Variants in KLRF1 observed in about 807,000 individuals in gnomAD.
The protein encoded by KLRF1 is killer cell lectin-like receptor subfamily F member 1.
Under a neutral mutation model 30.7 loss-of-function variants are expected in KLRF1, and 27 were observed. The ratio of observed to expected loss-of-function variants is 0.88; its 90% CI spans 0.65 to 1.21. KLRF1 has a LOEUF of 1.21. KLRF1 is among the 50% of genes most tolerant of loss of function. The pLI is 0.00. For missense variants in KLRF1, 246 were observed against 259.3 expected, an observed-to-expected ratio of 0.95 and a Z score of 0.35; for synonymous variants, 92 against 89.3, an observed-to-expected ratio of 1.03 and a Z score of -0.17.
chr12:9,815,981 G>A, the KLRF1 span, among the ~76,000 whole-genome samples: 1 of 152,158 alleles, frequency 6.6e-6, no homozygotes, highest in Non-Finnish European at 1.5e-5. Flanking sequence ...ACCACGCCTA[G>A]CTGATTTTGT....
At chr12:9,814,339 G>A in the KLRF1 span, among the ~76,000 whole-genome samples, 1 of 152,204 alleles carries the variant, frequency 6.6e-6, no homozygotes, top group Non-Finnish European at 1.5e-5. Flanking sequence ...CATCTCCACA[G>A]CCGGGACTGC....
chr12:9,802,514 G>A, the KLRF1 span, among the ~76,000 whole-genome samples: 6 of 151,920 alleles, frequency 3.9e-5, no homozygotes, highest in African/African-American at 1.5e-4. Flanking sequence ...AAGAAATAAA[G>A]GATATTCAAA....
At chr12:9,824,902 C>G (rs934223568), upstream of KLRF1, among the ~76,000 whole-genome samples, 1 of 152,052 alleles carries the variant, frequency 6.6e-6, no homozygotes, top group African/African-American at 2.4e-5. Context: ...CATAGGAATA[C>G]AGTCAACCAG....
At chr12:9,831,114 T>A (rs1867414281) in intron 1 of KLRF1, among the ~76,000 whole-genome samples, 1 of 152,084 alleles carries the variant, frequency 6.6e-6, no homozygotes, top group African/African-American at 2.4e-5. Context: ...CCACAACTTT[T>A]TTTCCTAATG....
At chr12:9,837,923 G>A (rs1165188199) in intron 3 of KLRF1, among the ~76,000 whole-genome samples, 2 of 152,152 alleles carry the variant, frequency 1.3e-5, no homozygotes, top group African/African-American at 4.8e-5. Flanking sequence ...CTCTTTGCTA[G>A]GCCAAACAAA....
the KLRF1 span, among the ~76,000 whole-genome samples, chr12:9,818,726 A>G: frequency 6.6e-6 from 1 of 152,086 alleles, no homozygotes; most frequent in Non-Finnish European, 1.5e-5. Flanking sequence ...TTTTGCTTTT[A>G]TTTATTTATT....
At chr12:9,800,838 T>C in the KLRF1 span, among the ~76,000 whole-genome samples, 1 of 151,968 alleles carries the variant, frequency 6.6e-6, no homozygotes, top group East Asian at 1.9e-4. Context: ...TTAAAAAATT[T>C]TATTCATTTA....
chr12:9,803,207 G>A, the KLRF1 span, among the ~76,000 whole-genome samples: 1 of 152,014 alleles, frequency 6.6e-6, no homozygotes, highest in East Asian at 1.9e-4. Flanking sequence ...ATAAGCAATG[G>A]GGAAAGGATT....
At chr12:9,809,231 A>G in the KLRF1 span, among the ~76,000 whole-genome samples, 20,377 of 152,184 alleles carry the variant, frequency 0.13, 1,523 homozygotes, top group Non-Finnish European at 0.16. Context: ...TCAATGACCA[A>G]CAAGCTCAAA....
At chr12:9,834,781 A>G (rs1213072642) in intron 3 of KLRF1, among the ~76,000 whole-genome samples, 1 of 152,080 alleles carries the variant, frequency 6.6e-6, no homozygotes, top group Admixed American at 6.6e-5. Context: ...CCTATCCTTG[A>G]GTTTTCTTAT....
chr12:9,818,730 A>G, the KLRF1 span, among the ~76,000 whole-genome samples: 1 of 152,094 alleles, frequency 6.6e-6, no homozygotes, highest in Admixed American at 6.5e-5. Flanking sequence ...GCTTTTATTT[A>G]TTTATTTTTG....
chr12:9,811,251 A>G, the KLRF1 span, among the ~76,000 whole-genome samples: 4 of 149,408 alleles, frequency 2.7e-5, no homozygotes, highest in Admixed American at 2.7e-4. Flanking sequence ...GCCAAAGGAG[A>G]CATCACACAT....
At chr12:9,809,698 A>G in the KLRF1 span, among the ~76,000 whole-genome samples, 2 of 151,900 alleles carry the variant, frequency 1.3e-5, no homozygotes, top group African/African-American at 2.4e-5. Context: ...GTAGTATTCA[A>G]AGATAAATTG....
At chr12:9,832,164 T>G (rs1867443410) in intron 1 of KLRF1, 152 bp from the exon 2 acceptor site, 1 of 503,824 alleles carries the variant, frequency 2.0e-6, no homozygotes, top group East Asian at 3.0e-5. Context: ...AATGTATATA[T>G]TTTTCTATTT....
chr12:9,824,723 C>T (rs1454281941), upstream of KLRF1, among the ~76,000 whole-genome samples: 4 of 152,144 alleles, frequency 2.6e-5, no homozygotes, highest in Admixed American at 6.5e-5. Context: ...ACCCCATACT[C>T]TTGGCCAAAA....
Position 9,844,585 on chromosome 12 carries a change from C to G in KLRF1, c.*59C>G. 3.4e-6 allele frequency: 3 copies of G among 890,182 alleles called. No homozygotes were observed. The highest frequency in any genetic ancestry group is 1.7e-5 in the African/African-American group (1 of 59,460). 55.1% of individuals were successfully genotyped at this position (890,182 alleles called of 1,614,324 possible). On this transcript the variant is annotated 3_prime_UTR_variant, in exon 6 of 6. Coordinates refer to ENST00000617889, the MANE Select transcript of KLRF1 (RefSeq NM_016523.3). ...ATCACTATTTTTGGCCTATTAGTTT[C>G]TAATATTAATCTCCAGGTGTAAGAT...
At chr12:9,813,129 A>AT in the KLRF1 span, among the ~76,000 whole-genome samples, 14,411 of 151,048 alleles carry the variant, frequency 0.095, 813 homozygotes, top group East Asian at 0.23. Context: ...ATGTCTTTTT[A>AT]TTTTTTTATT....
chr12:9,841,831 G>A lies in KLRF1; in HGVS notation c.354G>A (p.Trp118Ter), dbSNP rs776355224. 4 of 1,607,074 alleles carry A rather than the reference G, an allele frequency of 2.5e-6. No homozygotes were observed. Among genetic ancestry groups the A allele is most frequent in the Non-Finnish European group, 2.6e-6 (3 of 1,174,484 alleles). Residue 118 changes from tryptophan (W) to a stop codon, truncating the protein, a stop_gained, in exon 4 of 6, where the codon TGG becomes TGA. Transcript: ENST00000617889. LOFTEE classifies it high-confidence loss of function. ...CTGTAGTACTATGCCAATCAGAATG[G>A]CTCAAATACCAAGGGAAGTGTTATT... Reference protein sequence around the residue: ...ADQTVLCQSEWLKYQGKCYWF... With the variant: ...ADQTVLCQSE
chr12:9,823,008 T>C (rs142078471), upstream of KLRF1, among the ~76,000 whole-genome samples: 26 of 152,072 alleles, frequency 1.7e-4, 1 homozygote, highest in African/African-American at 6.0e-4. Flanking sequence ...ATTTACAAAA[T>C]AATAGTGGGA....
Sources: allele counts gnomAD v4.1 joint callset (sites outside exome capture counted in the v4.1 genomes callset), GRCh38; gene constraint gnomAD v4.1.1; transcripts MANE v1.5; gene names NCBI Gene and HGNC (gene_info 2026-07-23, HGNC 2026-07-21).